The following GLI2 variants were observed in gnomAD, a reference collection of about 807,000 sequenced individuals.
The protein encoded by GLI2 is GLI family zinc finger 2, also known as transcription activator GLI2.
Under a neutral mutation model 78.9 loss-of-function variants are expected in GLI2, and 22 were observed. The ratio of observed to expected loss-of-function variants is 0.28; its 90% CI spans 0.20 to 0.40. The LOEUF (loss-of-function observed/expected upper bound fraction) is 0.40, where lower values mean the gene tolerates loss of function less well. Among genes scored for constraint, GLI2 ranks in the 10% least tolerant of loss-of-function variants. GLI2 has a pLI of 1.00. For missense variants in GLI2, 2,097 were observed against 2,213.2 expected, an observed-to-expected ratio of 0.95 and a Z score of 1.05; for synonymous variants, 974 against 963.7, an observed-to-expected ratio of 1.01 and a Z score of -0.20.
At chr2:120,957,506 G>A (rs1379901001) in intron 5 of GLI2, among the ~76,000 whole-genome samples, 2 of 152,372 alleles carry the variant, frequency 1.3e-5, no homozygotes, top group East Asian at 3.9e-4. Context: ...AGTGCATGAA[G>A]GATCATGTGC....
At chr2:120,794,985 G>A (rs1684317233) in intron 1 of GLI2, among the ~76,000 whole-genome samples, 1 of 152,192 alleles carries the variant, frequency 6.6e-6, no homozygotes, top group South Asian at 2.1e-4. Context: ...GACAGGAGCT[G>A]TGGACATCCT....
intron 2 of GLI2, among the ~76,000 whole-genome samples, chr2:120,833,800 C>G (rs919057486): frequency 1.3e-5 from 2 of 152,208 alleles, no homozygotes; most frequent in Non-Finnish European, 2.9e-5. Context: ...TAGGGACATT[C>G]AGCATTTGAA....
chr2:120,783,368 C>T (rs1238783502), intron 1 of GLI2, among the ~76,000 whole-genome samples: 1 of 152,164 alleles, frequency 6.6e-6, no homozygotes, highest in East Asian at 1.9e-4. Context: ...CCACCTGTGG[C>T]ACCTGGTCTC....
At chr2:120,791,595 G>T (rs1409859971) in intron 1 of GLI2, among the ~76,000 whole-genome samples, 1 of 152,150 alleles carries the variant, frequency 6.6e-6, no homozygotes, top group Non-Finnish European at 1.5e-5. Context: ...ATCAAGGCAG[G>T]GCACATGTTT....
chr2:120,738,733 A>G (rs1682441207), intron 1 of GLI2, among the ~76,000 whole-genome samples: 1 of 152,202 alleles, frequency 6.6e-6, no homozygotes, highest in Non-Finnish European at 1.5e-5. Context: ...CCGAGGAACA[A>G]GGTAAGACTG....
chr2:120,767,678 C>G (rs1453450950), intron 1 of GLI2, among the ~76,000 whole-genome samples: 1 of 152,226 alleles, frequency 6.6e-6, no homozygotes, highest in East Asian at 1.9e-4. Flanking sequence ...CTCTGCCCAG[C>G]CCCCACTGCC....
chr2:120,988,811 C>A lies in GLI2; in HGVS notation c.2846C>A (p.Ala949Asp). The change falls in exon 14 of 14, where the codon GCC becomes GAC. Residue 949 changes from alanine (A) to aspartate (D), a missense_variant. By Grantham distance (126) the Ala-to-Asp change is moderately radical (BLOSUM62 -2). Coordinates refer to ENST00000361492, the MANE Select transcript of GLI2 (RefSeq NM_001374353.1). ...AFPHEAPGGG[A>D]RRASDPVRRP... ...CCCCACGAGGCTCCAGGCGGCGGAG[C>A]CAGGCGGGCCAGCGACCCTGTGCGG... 7.1e-7 allele frequency: 1 copy of A among 1,416,212 alleles called. No individual in the cohort carries two copies. Among genetic ancestry groups the A allele is most frequent in the Non-Finnish European group, 9.2e-7 (1 of 1,085,140 alleles). 87.7% of individuals were successfully genotyped at this position (1,416,212 alleles called of 1,614,324 possible). A position where few individuals can be genotyped will look rare whatever the true frequency, so the allele number is the denominator to read the frequency against.
intron 3 of GLI2, among the ~76,000 whole-genome samples, chr2:120,945,756 C>T (rs1680675209): frequency 6.6e-6 from 1 of 152,154 alleles, no homozygotes; most frequent in Non-Finnish European, 1.5e-5. Flanking sequence ...ACAGAGAGAA[C>T]CAAAGACTCT....
intron 2 of GLI2, among the ~76,000 whole-genome samples, chr2:120,858,123 G>C (rs950849762): frequency 1.3e-5 from 2 of 152,178 alleles, no homozygotes; most frequent in African/African-American, 4.8e-5. Flanking sequence ...TCAGGGGGCG[G>C]GGGAGAATGA....
At chr2:120,768,436 A>G (rs968764021) in intron 1 of GLI2, among the ~76,000 whole-genome samples, 2 of 152,228 alleles carry the variant, frequency 1.3e-5, no homozygotes, top group African/African-American at 4.8e-5. Context: ...TTTTCTGTCC[A>G]GCTGGCCTGC....
intron 1 of GLI2, among the ~76,000 whole-genome samples, chr2:120,790,554 T>C (rs530892882): frequency 6.6e-6 from 1 of 152,208 alleles, no homozygotes; most frequent in African/African-American, 2.4e-5. Context: ...GAGCTTGCGG[T>C]TCCCCTCCCA....
At chr2:120,834,173 C>T (rs1224376719) in intron 2 of GLI2, among the ~76,000 whole-genome samples, 1 of 152,068 alleles carries the variant, frequency 6.6e-6, no homozygotes, top group African/African-American at 2.4e-5. Flanking sequence ...GGGAGAGTTG[C>T]CATTGAAAAG....
At position 120,986,970 on chromosome 2, in the gene GLI2, A is replaced by G. The variant is rs3768694; in HGVS notation, c.2242+356A>G. Among the ~76,000 whole-genome samples the G allele has an allele frequency of 4.1e-3, 632 of 152,298 alleles. 13 individuals are homozygous for G. Among genetic ancestry groups the G allele is most frequent in the East Asian group, 0.019 (100 of 5,168 alleles). ...AAGGCCCTAGGCAGGAGAGCCATTT[A>G]ATTCCAGTCCCAAAGGAGCGTATGG... is the stretch of plus-strand genomic sequence containing the variant. On this transcript the variant is annotated intron_variant, in intron 13 of 13. Coordinates refer to ENST00000361492, the MANE Select transcript of GLI2 (RefSeq NM_001374353.1).
intron 5 of GLI2, among the ~76,000 whole-genome samples, chr2:120,959,086 C>T (rs1681415226): frequency 1.3e-5 from 2 of 152,184 alleles, no homozygotes; most frequent in Admixed American, 1.3e-4. Context: ...GCAACTTTGC[C>T]TTCCGGGCAC....
chr2:120,869,906 T>C (rs1361709813), intron 2 of GLI2, among the ~76,000 whole-genome samples: 1 of 152,098 alleles, frequency 6.6e-6, no homozygotes, highest in Admixed American at 6.5e-5. Context: ...TCAGGGGGAC[T>C]GTCCAGAGGG....
chr2:120,825,306 C>T (rs184194738), intron 2 of GLI2, among the ~76,000 whole-genome samples: 8 of 152,270 alleles, frequency 5.3e-5, no homozygotes, highest in Admixed American at 4.6e-4. Context: ...TGTGCAGCCA[C>T]TCACTGCCCT....
At chr2:120,916,920 C>A (rs1236323318) in intron 2 of GLI2, among the ~76,000 whole-genome samples, 2 of 152,312 alleles carry the variant, frequency 1.3e-5, no homozygotes, top group Non-Finnish European at 2.9e-5. Flanking sequence ...CCAGCCTCTT[C>A]TTTGAAGCTG....
At chr2:120,738,695 A>G (rs1682440295) in intron 1 of GLI2, among the ~76,000 whole-genome samples, 1 of 152,172 alleles carries the variant, frequency 6.6e-6, no homozygotes, top group African/African-American at 2.4e-5. Context: ...AAGAATTAGA[A>G]TGATAGTAGA....
chr2:120,817,171 A>G (rs1057321629), intron 2 of GLI2, among the ~76,000 whole-genome samples: 1 of 152,220 alleles, frequency 6.6e-6, no homozygotes, highest in Non-Finnish European at 1.5e-5. Flanking sequence ...CCGCTGCTCT[A>G]TGCCATCCTT....
Sources: allele counts gnomAD v4.1 joint callset (sites outside exome capture counted in the v4.1 genomes callset), GRCh38; gene constraint gnomAD v4.1.1; transcripts MANE v1.5; gene names NCBI Gene and HGNC (gene_info 2026-07-23, HGNC 2026-07-21).